TMEM178A: variants seen among roughly 807,000 people sequenced by gnomAD.
The protein encoded by TMEM178A is transmembrane protein 178.
In TMEM178A, 12 loss-of-function variants were observed where a neutral mutation model predicts 29.1. The ratio of observed to expected loss-of-function variants is 0.41; its 90% CI spans 0.26 to 0.67. TMEM178A has a LOEUF of 0.67. Ranked by LOEUF, TMEM178A falls within the 30% of genes least tolerant of loss-of-function variation. The pLI, the probability that TMEM178A is intolerant of heterozygous loss-of-function variation, is 0.29. For synonymous variants in TMEM178A, 210 were observed against 187.2 expected (o/e 1.12, Z -0.99); for missense variants, 366 against 419.1 (o/e 0.87, Z 1.11).
At chr2:39,689,003 C>T (rs1259156473) in intron 1 of TMEM178A, among the ~76,000 whole-genome samples, 3 of 152,086 alleles carry the variant, frequency 2.0e-5, no homozygotes, top group Admixed American at 6.5e-5. Flanking sequence ...AGCTATTGCC[C>T]TTGTCTATAT....
intron 2 of TMEM178A, among the ~76,000 whole-genome samples, chr2:39,704,931 C>A (rs1472156325): frequency 6.6e-6 from 1 of 152,224 alleles, no homozygotes; most frequent in African/African-American, 2.4e-5. Flanking sequence ...GAAAACTAAT[C>A]AGAGTCTCTC....
chr2:39,703,209 C>T (rs1051736776), intron 1 of TMEM178A, among the ~76,000 whole-genome samples: 3 of 152,106 alleles, frequency 2.0e-5, no homozygotes, highest in Non-Finnish European at 2.9e-5. Context: ...TTGCATTTAT[C>T]CAAACAACTG....
intron 1 of TMEM178A, among the ~76,000 whole-genome samples, chr2:39,667,078 C>G (rs1205303522): frequency 2.0e-5 from 3 of 152,194 alleles, no homozygotes; most frequent in African/African-American, 4.8e-5. Flanking sequence ...CACCTGCTTT[C>G]CAACCTTCCT....
intron 3 of TMEM178A, among the ~76,000 whole-genome samples, chr2:39,713,455 G>A (rs1397093984): frequency 6.6e-6 from 1 of 152,208 alleles, no homozygotes; most frequent in Non-Finnish European, 1.5e-5. Flanking sequence ...GAACGTGACA[G>A]TATTTGGAAA....
intron 1 of TMEM178A, among the ~76,000 whole-genome samples, chr2:39,685,198 C>A (rs1172188856): frequency 1.3e-5 from 2 of 152,204 alleles, no homozygotes; most frequent in Non-Finnish European, 2.9e-5. Context: ...TCCTTCCTTT[C>A]TAGCAACTTC....
intron 1 of TMEM178A, among the ~76,000 whole-genome samples, chr2:39,691,171 A>G (rs1339651752): frequency 6.6e-6 from 1 of 152,230 alleles, no homozygotes; most frequent in East Asian, 1.9e-4. Flanking sequence ...AGTGGCAGAA[A>G]ACTTCCTAAA....
intron 1 of TMEM178A, among the ~76,000 whole-genome samples, chr2:39,681,040 T>C (rs574669807): frequency 2.0e-5 from 3 of 152,322 alleles, no homozygotes; most frequent in East Asian, 1.9e-4. Flanking sequence ...TTGCCACATA[T>C]TGCAATTGGG....
chr2:39,698,697 T>TG (rs1671656836), intron 1 of TMEM178A, among the ~76,000 whole-genome samples: 3 of 117,370 alleles, frequency 2.6e-5, no homozygotes, highest in African/African-American at 9.2e-5. Context: ...CTTCATGCTC[T>TG]ATTTTTTTTT....
intron 3 of TMEM178A, among the ~76,000 whole-genome samples, chr2:39,709,726 A>G (rs1672219711): frequency 6.6e-6 from 1 of 152,190 alleles, no homozygotes; most frequent in Non-Finnish European, 1.5e-5. Flanking sequence ...AAAGAGGTAC[A>G]GATGTGTTGC....
At chr2:39,714,350 G>T (rs1355695938) in intron 3 of TMEM178A, among the ~76,000 whole-genome samples, 1 of 150,870 alleles carries the variant, frequency 6.6e-6, no homozygotes, top group Non-Finnish European at 1.5e-5. Context: ...TGCGTGCCCT[G>T]TTCCAAAAAA....
At chr2:39,729,789 G>A in the TMEM178A span, among the ~76,000 whole-genome samples, 13 of 152,146 alleles carry the variant, frequency 8.5e-5, no homozygotes, top group Admixed American at 8.5e-4. Flanking sequence ...GGAGACAGGA[G>A]CTGGTGGATA....
chr2:39,686,615 T>G (rs1671086197), intron 1 of TMEM178A, among the ~76,000 whole-genome samples: 1 of 138,562 alleles, frequency 7.2e-6, no homozygotes, highest in East Asian at 2.1e-4. Context: ...GGGCTACGGA[T>G]GGTGGCTGGT....
chr2:39,723,773 T>G, the TMEM178A span, among the ~76,000 whole-genome samples: 4 of 152,308 alleles, frequency 2.6e-5, no homozygotes, highest in East Asian at 7.7e-4. Flanking sequence ...GTTTCCAGCT[T>G]GCTCACTCCA....
chr2:39,701,317 T>A (rs550085690), intron 1 of TMEM178A, among the ~76,000 whole-genome samples: 147 of 152,296 alleles, frequency 9.7e-4, no homozygotes, highest in African/African-American at 3.5e-3. Flanking sequence ...CTTTGATGCA[T>A]ATAGGATTCT....
the TMEM178A span, among the ~76,000 whole-genome samples, chr2:39,735,594 T>C: frequency 6.6e-6 from 1 of 152,228 alleles, no homozygotes; most frequent in Non-Finnish European, 1.5e-5. Flanking sequence ...GAATTCACAT[T>C]ACTGGGGGCC....
In TMEM178A at chr2:39,707,092, C is replaced by G. The variant is rs200218947; in HGVS notation, c.558C>G (p.Ala186=). 1 of 1,614,056 alleles carries G rather than the reference C, an allele frequency of 6.2e-7. No homozygotes were observed. The highest frequency in any genetic ancestry group is 8.5e-7 in the Non-Finnish European group (1 of 1,179,966). ...CTGGCTTCCTCGGCATGGCCGTAGC[C>G]GTCCTTCTCTGCGGCTGCATTGTGG... ...ITAGFLGMAV[A]VLLCGCIVAT... is the part of the protein sequence containing the mutation. Residue 186 remains alanine, a synonymous_variant, in exon 3 of 4, where the codon GCC becomes GCG. Transcript: ENST00000281961.
downstream of TMEM178A, among the ~76,000 whole-genome samples, chr2:39,718,122 C>T (rs571645935): frequency 6.6e-6 from 1 of 152,182 alleles, no homozygotes; most frequent in Non-Finnish European, 1.5e-5. Flanking sequence ...AGCAACCACA[C>T]ACTTGCTATT....
At chr2:39,678,727 G>A (rs1572653401) in intron 1 of TMEM178A, among the ~76,000 whole-genome samples, 1 of 152,188 alleles carries the variant, frequency 6.6e-6, no homozygotes, top group East Asian at 1.9e-4. Context: ...ATTTCCCACT[G>A]CCTACAGCTA....
intron 1 of TMEM178A, among the ~76,000 whole-genome samples, chr2:39,690,971 C>T (rs535221189): frequency 1.3e-5 from 2 of 152,206 alleles, no homozygotes; most frequent in Non-Finnish European, 2.9e-5. Context: ...ATAACAGACT[C>T]AATCAAACAG....
Sources: allele counts gnomAD v4.1 joint callset (sites outside exome capture counted in the v4.1 genomes callset), GRCh38; gene constraint gnomAD v4.1.1; transcripts MANE v1.5; gene names NCBI Gene and HGNC (gene_info 2026-07-23, HGNC 2026-07-21).